MEGF10: variants seen among roughly 807,000 people sequenced by gnomAD.
MEGF10 encodes multiple epidermal growth factor-like domains protein 10.
A neutral mutation model predicts 147.5 loss-of-function variants in MEGF10; 86 were observed. The observed-to-expected ratio is 0.58, with a 90% CI of 0.49 to 0.70. MEGF10 has a LOEUF of 0.70. MEGF10 is among the 30% of genes least tolerant of loss of function. The probability of loss-of-function intolerance (pLI) is 0.00; values close to 1 mark genes in which losing one functional copy is unlikely to be tolerated. For synonymous variants in MEGF10, 478 were observed against 525.5 expected (o/e 0.91, Z 1.24); for missense variants, 1,329 against 1,487.3 (o/e 0.89, Z 1.75).
intron 8 of MEGF10, among the ~76,000 whole-genome samples, chr5:127,404,792 C>T (rs564231827): frequency 6.6e-6 from 1 of 151,970 alleles, no homozygotes; most frequent in South Asian, 2.1e-4. Flanking sequence ...CTCGGCTCAC[C>T]ACAACTTCCA....
intron 5 of MEGF10, among the ~76,000 whole-genome samples, chr5:127,388,834 T>TTG (rs1763539787): frequency 1.3e-5 from 2 of 152,192 alleles, no homozygotes; most frequent in African/African-American, 4.8e-5. Context: ...CATGAGCCAC[T>TTG]GCCCCTGGCC....
chr5:127,325,674 A>G (rs1241953967), intron 1 of MEGF10, among the ~76,000 whole-genome samples: 3 of 151,970 alleles, frequency 2.0e-5, no homozygotes, highest in African/African-American at 7.3e-5. Context: ...AGCACTGGAC[A>G]TTGTCAGTGA....
intron 4 of MEGF10, among the ~76,000 whole-genome samples, chr5:127,353,537 T>C (rs901033422): frequency 1.5e-4 from 23 of 152,180 alleles, no homozygotes; most frequent in African/African-American, 5.3e-4. Flanking sequence ...TGGCTTCATC[T>C]CCACTGATGG....
At chr5:127,428,627 T>C (rs1765286950) in intron 13 of MEGF10, among the ~76,000 whole-genome samples, 1 of 152,238 alleles carries the variant, frequency 6.6e-6, no homozygotes, top group Non-Finnish European at 1.5e-5. Flanking sequence ...CCAATTATTA[T>C]TAACAAATAT....
chr5:127,384,146 C>T (rs1380222399), intron 5 of MEGF10, among the ~76,000 whole-genome samples: 1 of 152,200 alleles, frequency 6.6e-6, no homozygotes, highest in African/African-American at 2.4e-5. Flanking sequence ...TGTGTGCAAT[C>T]CTGTCTCGTA....
chr5:127,330,123 C>T lies in MEGF10; in HGVS notation c.-18-1168C>T, dbSNP rs371234883. 5.6e-4 allele frequency among the ~76,000 whole-genome samples: 86 copies of T among 152,308 alleles called. 2 individuals carry two copies. In the South Asian group the frequency reaches 0.017, roughly 31 times the overall value. ...GCTAAACCAGAAGCTCCTCCCCTCC[C>T]TTAATCCATGTTCAATAGACAAGTC... On this transcript the variant is annotated intron_variant, in intron 1 of 24. Coordinates refer to ENST00000503335, the MANE Select transcript of MEGF10 (RefSeq NM_001256545.2).
At chr5:127,281,328 T>C in the MEGF10 span, among the ~76,000 whole-genome samples, 6 of 152,208 alleles carry the variant, frequency 3.9e-5, no homozygotes, top group East Asian at 5.8e-4. Flanking sequence ...AGTGGGATAC[T>C]AACATGAAGC....
At chr5:127,349,791 C>A (rs907286968) in intron 4 of MEGF10, among the ~76,000 whole-genome samples, 2 of 151,930 alleles carry the variant, frequency 1.3e-5, no homozygotes, top group African/African-American at 4.8e-5. Flanking sequence ...GAACCTACCA[C>A]CTGTTCTAGA....
chr5:127,271,792 C>T, the MEGF10 span, among the ~76,000 whole-genome samples: 127 of 152,288 alleles, frequency 8.3e-4, 1 homozygote, highest in African/African-American at 2.9e-3. Flanking sequence ...GAGGCCTCCC[C>T]AGCCCTGTGG....
In MEGF10 at chr5:127,457,281, G is replaced by C; in HGVS notation, c.3386G>C (p.Gly1129Ala). The C allele has an allele frequency of 6.2e-7, 1 of 1,613,978 alleles. No homozygotes were observed. Among genetic ancestry groups the C allele is most frequent in the Non-Finnish European group, 8.5e-7 (1 of 1,179,982 alleles). Reference sequence around the variant, plus strand: ...TCCTCCCCTAAGCAAGAGGACAGTGGTGGTAGCAGCAGCAACAGCAGCAGC... The same window carrying C: ...TCCTCCCCTAAGCAAGAGGACAGTGCTGGTAGCAGCAGCAACAGCAGCAGC... ...SSSSPKQEDS[G>A]GSSSNSSSSS... The change falls in exon 25 of 25, where the codon GGT becomes GCT. Residue 1129 changes from glycine to alanine, a missense_variant. Around this residue, in one of 3 missense-constraint regions of MEGF10, gnomAD observed 343 missense variants for 377.9 expected, o/e 0.91. Coordinates refer to ENST00000503335, the MANE Select transcript of MEGF10 (RefSeq NM_001256545.2).
intron 1 of MEGF10, among the ~76,000 whole-genome samples, chr5:127,296,173 C>T (rs1007464654): frequency 1.3e-5 from 2 of 152,160 alleles, no homozygotes; most frequent in East Asian, 3.8e-4. Flanking sequence ...AAAGAAGGTA[C>T]AAACCAATGT....
At chr5:127,277,407 G>A in the MEGF10 span, among the ~76,000 whole-genome samples, 5 of 152,208 alleles carry the variant, frequency 3.3e-5, no homozygotes, top group Admixed American at 2.0e-4. Context: ...TCCTTCTGCC[G>A]AATTCTGCTT....
intron 10 of MEGF10, 88 bp from the exon 11 acceptor site, chr5:127,419,032 G>T: frequency 3.5e-6 from 5 of 1,415,662 alleles, no homozygotes; most frequent in Non-Finnish European, 4.8e-6. Flanking sequence ...AGTATAATTA[G>T]CATTGCCAAG....
chr5:127,267,905 A>G, the MEGF10 span, among the ~76,000 whole-genome samples: 7,631 of 152,050 alleles, frequency 0.05, 322 homozygotes, highest in African/African-American at 0.11. Context: ...AGGATTTTTT[A>G]TGTCTCTATC....
chr5:127,309,122 G>T (rs60337565), intron 1 of MEGF10, among the ~76,000 whole-genome samples: 2,166 of 152,254 alleles, frequency 0.014, 55 homozygotes, highest in African/African-American at 0.049. Context: ...ACCAGTCCAT[G>T]TGCAGTCCTT....
At chr5:127,343,874 G>T (rs1015554174) in intron 4 of MEGF10, among the ~76,000 whole-genome samples, 23 of 152,152 alleles carry the variant, frequency 1.5e-4, no homozygotes, top group African/African-American at 5.5e-4. Flanking sequence ...TGAGGAAGGG[G>T]AGCTGAGTGG....
At chr5:127,449,993 A>G (rs1232687799) in intron 22 of MEGF10, among the ~76,000 whole-genome samples, 2 of 152,234 alleles carry the variant, frequency 1.3e-5, no homozygotes, top group Non-Finnish European at 1.5e-5. Flanking sequence ...AAAAAAAACT[A>G]CATTTTCCAA....
chr5:127,394,180 T>C (rs536913992), intron 5 of MEGF10, among the ~76,000 whole-genome samples: 97 of 152,270 alleles, frequency 6.4e-4, no homozygotes, highest in African/African-American at 2.3e-3. Flanking sequence ...ACATAAGGAG[T>C]TGACAGATAT....
the MEGF10 span, among the ~76,000 whole-genome samples, chr5:127,237,141 A>C: frequency 6.6e-6 from 1 of 152,180 alleles, no homozygotes; most frequent in Admixed American, 6.5e-5. Context: ...TTAAAAAAAA[A>C]GGGGGTTTTA....
Sources: allele counts gnomAD v4.1 joint callset (sites outside exome capture counted in the v4.1 genomes callset), GRCh38; gene constraint gnomAD v4.1.1; regional missense constraint gnomAD v4.1.1; transcripts MANE v1.5; gene names NCBI Gene and HGNC (gene_info 2026-07-23, HGNC 2026-07-21).